The following ADGRG4 variants were observed in gnomAD, a reference collection of about 807,000 sequenced individuals.
The protein encoded by ADGRG4 is G protein-coupled receptor 112.
In ADGRG4, 122 loss-of-function variants were observed where a neutral mutation model predicts 126.2. That is an observed-to-expected ratio of 0.97 (90% CI 0.83 to 1.12). The LOEUF (loss-of-function observed/expected upper bound fraction) is 1.12, where lower values mean the gene tolerates loss of function less well. ADGRG4 is among the 50% of genes most tolerant of loss of function. The probability of loss-of-function intolerance (pLI) is 0.00; values close to 1 mark genes in which losing one functional copy is unlikely to be tolerated. For synonymous variants in ADGRG4, 943 were observed against 838.7 expected (o/e 1.12, Z -2.15); for missense variants, 2,481 against 2,251.8 (o/e 1.10, Z -2.06).
chrX:136,407,059 C>T (rs2148500753), intron 23 of ADGRG4, among the ~76,000 whole-genome samples: 1 of 111,863 alleles, frequency 8.9e-6, no homozygotes, highest in South Asian at 3.7e-4. Flanking sequence ...CTACCCCATA[C>T]TTTTATCCTC....
rs781097130 is a variant in ADGRG4, at chrX:136,349,407, G to A, written c.5701G>A (p.Val1901Ile). Residue 1901 changes from valine to isoleucine, a missense_variant, in exon 6 of 26, where the codon GTA becomes ATA. Coordinates refer to ENST00000394143, the MANE Select transcript of ADGRG4 (RefSeq NM_153834.4). The part of the protein sequence containing the change: ...SQFPISTTIN[V>I]PTSNEMETET... ...GTTTCCAATTTCCACCACTATTAAT[G>A]TACCTACATCCAATGAGATGGAAAC... 5.0e-6 allele frequency: 6 copies of A among 1,202,700 alleles called. No homozygotes were observed. Among genetic ancestry groups the A allele is most frequent in the Non-Finnish European group, 6.8e-6 (6 of 887,815 alleles).
intron 13 of ADGRG4, among the ~76,000 whole-genome samples, chrX:136,370,443 A>G (rs1252447782): frequency 8.9e-6 from 1 of 112,253 alleles, no homozygotes; most frequent in Admixed American, 9.5e-5. Context: ...TTCAAACAAA[A>G]CAACTATTTA....
intron 23 of ADGRG4, among the ~76,000 whole-genome samples, chrX:136,411,688 G>T (rs181910904): frequency 2.9e-4 from 33 of 112,594 alleles, no homozygotes; most frequent in African/African-American, 1.1e-3. Flanking sequence ...TCGTGAAGTT[G>T]TAGTCAAGCT....
chrX:136,338,441 C>G (rs762872017), intron 5 of ADGRG4, among the ~76,000 whole-genome samples: 1 of 111,421 alleles, frequency 9.0e-6, no homozygotes, highest in Admixed American at 9.5e-5. Flanking sequence ...AGCCACCAAG[C>G]CTGGCCCCAT....
chrX:136,405,969 C>T lies in ADGRG4; in HGVS notation c.8932C>T (p.Gln2978Ter). ...TTTGTTTGCCATTTTTAACACTTTG[C>T]AAGGTAACTGGTGCTTTTTTGCCTT... ...LYLFAIFNTL[Q>*]GFFIFVFHCV... is the part of the protein sequence containing the mutation. The change falls in exon 23 of 26, where the codon CAA (glutamine) becomes TAA (stop). Residue 2978 changes from glutamine (Q) to a stop codon, truncating the protein, a stop_gained. Transcript: ENST00000394143. LOFTEE classifies it high-confidence loss of function. The T allele has an allele frequency of 8.9e-7, 1 of 1,126,301 alleles. No individual in the cohort carries two copies. 92.8% of individuals were successfully genotyped at this position (1,126,301 alleles called of 1,213,427 possible).
In ADGRG4 at chrX:136,349,133, C is replaced by T; in HGVS notation, c.5427C>T (p.Asn1809=). The T allele has an allele frequency of 8.3e-7, 1 of 1,201,751 alleles. No individual in the cohort carries two copies. The highest frequency in any genetic ancestry group is 3.0e-5 in the East Asian group (1 of 33,740). Reference sequence around the variant, plus strand: ...TGTTAGAAAAGACTTCCTTAACAAACTATGCCACATCTTTGAATACCCCTG... The same window carrying T: ...TGTTAGAAAAGACTTCCTTAACAAATTATGCCACATCTTTGAATACCCCTG... ...TSLLEKTSLT[N]YATSLNTPVS... is the part of the protein sequence containing the mutation. The change falls in exon 6 of 26, where the codon AAC becomes AAT. Residue 1809 remains asparagine (N), a synonymous_variant. Coordinates refer to ENST00000394143, the MANE Select transcript of ADGRG4 (RefSeq NM_153834.4).
intron 9 of ADGRG4, among the ~76,000 whole-genome samples, chrX:136,356,857 G>T (rs777396289): frequency 1.8e-5 from 2 of 111,226 alleles, no homozygotes; most frequent in East Asian, 5.7e-4. Context: ...AAAAATATTA[G>T]CCAGGCACGG....
intron 4 of ADGRG4, among the ~76,000 whole-genome samples, chrX:136,311,875 T>C (rs2074774171): frequency 1.8e-5 from 2 of 111,260 alleles, no homozygotes; most frequent in African/African-American, 6.5e-5. Context: ...TTTTAAATTG[T>C]AAATAGACAC....
At chrX:136,392,132 A>G (rs1184099477) in intron 16 of ADGRG4, 100 bp from the exon 17 acceptor site, 7 of 696,348 alleles carry the variant, frequency 1.0e-5, no homozygotes, top group Non-Finnish European at 1.4e-5. Flanking sequence ...ACATTTCTGT[A>G]CCTAACATTG....
intron 3 of ADGRG4, among the ~76,000 whole-genome samples, chrX:136,307,915 T>A (rs1285298980): frequency 8.9e-6 from 1 of 112,251 alleles, no homozygotes; most frequent in African/African-American, 3.2e-5. Flanking sequence ...AGAAGCTGGG[T>A]GAACATAATG....
intron 5 of ADGRG4, among the ~76,000 whole-genome samples, chrX:136,330,098 C>G (rs2074899270): frequency 9.0e-6 from 1 of 110,765 alleles, no homozygotes; most frequent in Admixed American, 9.7e-5. Flanking sequence ...TCAGGTTTCT[C>G]TAGTTTTTAT....
intron 9 of ADGRG4, among the ~76,000 whole-genome samples, chrX:136,356,917 C>T (rs1792432157): frequency 9.0e-6 from 1 of 111,542 alleles, no homozygotes. Context: ...GCGGGGGGAT[C>T]ACATGAGCCC....
intron 5 of ADGRG4, among the ~76,000 whole-genome samples, chrX:136,344,027 T>C (rs1001795677): frequency 2.7e-5 from 3 of 112,152 alleles, no homozygotes; most frequent in African/African-American, 9.7e-5. Flanking sequence ...ATTCAAGTTA[T>C]CTGTTTCTTC....
At position 136,345,051 on chromosome X, in the gene ADGRG4, T is replaced by C; in HGVS notation, c.1345T>C (p.Phe449Leu). The change falls in exon 6 of 26, where the codon TTT becomes CTT. Residue 449 changes from phenylalanine (F) to leucine (L), a missense_variant. Transcript: ENST00000394143. ...TACAGCTGCCGGAACTGTACCTTGG[T>C]TTACAGTGGAAAAGACTTCACCTGC... The part of the protein sequence containing the change: ...ESTAAGTVPW[F>L]TVEKTSPAST... The C allele has an allele frequency of 8.3e-7, 1 of 1,210,436 alleles. No homozygotes were observed. Among genetic ancestry groups the C allele is most frequent in the Non-Finnish European group, 1.1e-6 (1 of 894,453 alleles).
Position 136,314,071 on chromosome X carries a change from G to A in ADGRG4, c.70+5224G>A, listed in dbSNP as rs760285205. On this transcript the variant is annotated intron_variant, in intron 4 of 25. Coordinates refer to ENST00000394143, the MANE Select transcript of ADGRG4 (RefSeq NM_153834.4). ...ACAAAAATACATCCTAAATCTGACC[G>A]TTTTCTTTTCTTTTCTTCTCTCTCT... Among the ~76,000 whole-genome samples, 42 of 110,886 alleles carry A rather than the reference G, an allele frequency of 3.8e-4. No individual in the cohort carries two copies. The South Asian group carries it at 0.014, about 37-fold the overall frequency.
At chrX:136,305,247 C>A (rs2074725984) in intron 3 of ADGRG4, among the ~76,000 whole-genome samples, 1 of 111,606 alleles carries the variant, frequency 9.0e-6, no homozygotes, top group South Asian at 3.8e-4. Context: ...AGAATCCTGG[C>A]CTTAAGCTGG....
At chrX:136,397,339 T>C (rs1245382998) in intron 19 of ADGRG4, among the ~76,000 whole-genome samples, 1 of 111,623 alleles carries the variant, frequency 9.0e-6, no homozygotes, top group African/African-American at 3.3e-5. Flanking sequence ...CTATGGACTT[T>C]GTTCTTAGAC....
chrX:136,365,108 G>A (rs1349782094), intron 13 of ADGRG4, among the ~76,000 whole-genome samples: 1 of 112,047 alleles, frequency 8.9e-6, no homozygotes, highest in African/African-American at 3.2e-5. Context: ...ATATCTCAAT[G>A]TAGTTTACAA....
intron 5 of ADGRG4, among the ~76,000 whole-genome samples, chrX:136,333,136 A>G (rs925052414): frequency 3.6e-5 from 4 of 111,786 alleles, no homozygotes; most frequent in African/African-American, 1.3e-4. Context: ...GGCTAGCCAT[A>G]TGTAGAAAGC....
Sources: allele counts gnomAD v4.1 joint callset (sites outside exome capture counted in the v4.1 genomes callset), GRCh38; gene constraint gnomAD v4.1.1; transcripts MANE v1.5; gene names NCBI Gene and HGNC (gene_info 2026-07-23, HGNC 2026-07-21).